Variants in MED12L observed in about 807,000 individuals in gnomAD.
The protein encoded by MED12L is mediator complex subunit 12L, also known as mediator of RNA polymerase II transcription subunit 12-like protein.
MED12L carries 60 observed loss-of-function variants against 281.3 expected under a neutral mutation model. The ratio of observed to expected loss-of-function variants is 0.21; its 90% confidence interval spans 0.17 to 0.26. The LOEUF is 0.26. Among genes scored for constraint, MED12L ranks in the 10% least tolerant of loss-of-function variants. MED12L has a pLI of 1.00. For synonymous variants in MED12L, 974 were observed against 987.2 expected, an observed-to-expected ratio of 0.99 and a Z score of 0.25; for missense variants, 2,146 against 2,680.9, an observed-to-expected ratio of 0.80 and a Z score of 4.41.
Position 151,168,964 on chromosome 3 carries a change from G to C in MED12L, c.1494+2982G>C, listed in dbSNP as rs564420101. Among the ~76,000 whole-genome samples the C allele has an allele frequency of 3.9e-5, 6 of 152,226 alleles. 1 individual carries two copies. Among genetic ancestry groups the C allele is most frequent in the Non-Finnish European group, 5.9e-5 (4 of 68,020 alleles). On this transcript the variant is annotated intron_variant, in intron 11 of 44. Coordinates refer to ENST00000687756, the MANE Select transcript of MED12L (RefSeq NM_001393769.1). ...TCAAAGTGCTGGGAGGTGTGAGCCA[G>C]TGTGCCTGGACTAAATTAATTTTTA...
intron 5 of MED12L, among the ~76,000 whole-genome samples, chr3:151,130,757 C>G (rs1715273989): frequency 6.6e-6 from 1 of 152,214 alleles, no homozygotes; most frequent in Non-Finnish European, 1.5e-5. Flanking sequence ...AAAGCCTTCT[C>G]CAACCACTGC....
At chr3:151,300,219 G>A in intron 16 of MED12L, 19 of 783,122 alleles carry the variant, frequency 2.4e-5, no homozygotes, top group Admixed American at 9.9e-5. Context: ...AATGAAAAAT[G>A]AGGAAAAAAT....
intron 3 of MED12L, among the ~76,000 whole-genome samples, chr3:151,122,303 G>C (rs1381032089): frequency 6.6e-6 from 1 of 152,142 alleles, no homozygotes; most frequent in Admixed American, 6.5e-5. Flanking sequence ...TAGACTCTTT[G>C]TTTAAAAGCA....
intron 16 of MED12L, among the ~76,000 whole-genome samples, chr3:151,276,195 A>G (rs908101358): frequency 6.6e-5 from 10 of 152,244 alleles, no homozygotes; most frequent in African/African-American, 1.9e-4. Flanking sequence ...AGGGCTTGTT[A>G]AAAGAGATTG....
In MED12L at chr3:151,230,056, G is replaced by A. The variant is rs188156812; in HGVS notation, c.2250+36390G>A. ...GCGATCTCAGCTCACTGCAAGCTTC[G>A]CCTGCTGGGTTCACGCCATTCTCCC... On this transcript the variant is annotated intron_variant, in intron 16 of 44. Coordinates refer to ENST00000687756, the MANE Select transcript of MED12L (RefSeq NM_001393769.1). Among the ~76,000 whole-genome samples, 8 of 151,914 alleles carry A rather than the reference G, an allele frequency of 5.3e-5. No individual in the cohort carries two copies. In the South Asian group the frequency reaches 6.3e-4, roughly 12 times the overall value.
At chr3:151,232,096 T>A (rs1179041084) in intron 16 of MED12L, among the ~76,000 whole-genome samples, 3 of 152,216 alleles carry the variant, frequency 2.0e-5, no homozygotes, top group Non-Finnish European at 4.4e-5. Context: ...GTGTCTCTGC[T>A]ATTTTTCTTA....
In MED12L at chr3:151,085,888, G is replaced by T. The variant is rs1487600221; in HGVS notation, c.-178G>T. On this transcript the variant is annotated 5_prime_UTR_variant, in exon 1 of 45. Transcript: ENST00000687756. ...CGAATGATGGAGGCTGCGGCGGCCG[G>T]AGTGACCCCGCCGCCGCCAGCCCCA... 6.6e-6 allele frequency: 1 copy of T among 152,080 alleles called. No homozygotes were observed. The highest frequency in any genetic ancestry group is 1.5e-5 in the Non-Finnish European group (1 of 68,010). 9.4% of individuals were successfully genotyped at this position (152,080 alleles called of 1,614,324 possible). A position where few individuals can be genotyped will look rare whatever the true frequency, so the allele number is the denominator to read the frequency against.
intron 12 of MED12L, among the ~76,000 whole-genome samples, chr3:151,186,271 A>G (rs1446126290): frequency 6.6e-6 from 1 of 152,110 alleles, no homozygotes; most frequent in Non-Finnish European, 1.5e-5. Context: ...ATATCATCTG[A>G]CCAGGTCCTT....
At chr3:151,099,799 T>G (rs2148656218) in intron 2 of MED12L, among the ~76,000 whole-genome samples, 1 of 152,288 alleles carries the variant, frequency 6.6e-6, no homozygotes, top group African/African-American at 2.4e-5. Flanking sequence ...GAGGAGAGAA[T>G]GAGTTCATTT....
intron 16 of MED12L, among the ~76,000 whole-genome samples, chr3:151,265,399 G>C (rs1739645828): frequency 6.6e-6 from 1 of 152,176 alleles, no homozygotes; most frequent in African/African-American, 2.4e-5. Flanking sequence ...AAGTTTCACA[G>C]ACTGATTTCT....
chr3:151,106,233 C>CTTCCTTTCCT (rs574571446), intron 2 of MED12L, among the ~76,000 whole-genome samples: 31 of 139,338 alleles, frequency 2.2e-4, no homozygotes, highest in African/African-American at 6.6e-4. Context: ...TCCTTCCTTC[C>CTTCCTTTCCT]TTCCTTTCCT....
intron 16 of MED12L, among the ~76,000 whole-genome samples, chr3:151,250,285 T>G (rs1736586750): frequency 6.6e-6 from 1 of 152,208 alleles, no homozygotes; most frequent in Non-Finnish European, 1.5e-5. Context: ...TGTGGTGAAA[T>G]ACACATAACA....
At chr3:151,429,388 C>T (rs1719210038) in intron 43 of MED12L, among the ~76,000 whole-genome samples, 1 of 152,088 alleles carries the variant, frequency 6.6e-6, no homozygotes, top group Admixed American at 6.5e-5. Context: ...ACAGCCAGCA[C>T]CGTGCTGGTG....
chr3:151,346,671 A>G (rs551924036), intron 16 of MED12L, among the ~76,000 whole-genome samples: 39 of 152,182 alleles, frequency 2.6e-4, no homozygotes, highest in Admixed American at 2.0e-3. Flanking sequence ...AGGAGCATGT[A>G]TGTGCACCAT....
intron 16 of MED12L, among the ~76,000 whole-genome samples, chr3:151,252,621 A>G (rs1737063837): frequency 6.6e-6 from 1 of 152,228 alleles, no homozygotes; most frequent in Non-Finnish European, 1.5e-5. Flanking sequence ...ACTTCTAAAC[A>G]TGTTCATAAA....
At chr3:151,218,640 G>T (rs1434705699) in intron 16 of MED12L, among the ~76,000 whole-genome samples, 3 of 151,928 alleles carry the variant, frequency 2.0e-5, no homozygotes, top group African/African-American at 4.8e-5. Flanking sequence ...AGGCCGAGGT[G>T]GGTGGATCAC....
At chr3:151,099,710 A>G (rs1379355044) in intron 2 of MED12L, among the ~76,000 whole-genome samples, 2 of 147,918 alleles carry the variant, frequency 1.4e-5, no homozygotes, top group Admixed American at 6.7e-5. Flanking sequence ...AGGTAGATCA[A>G]TGGTGGTCCG....
chr3:151,389,307 C>CT (rs1325773533), intron 37 of MED12L, among the ~76,000 whole-genome samples: 1 of 152,218 alleles, frequency 6.6e-6, no homozygotes, highest in African/African-American at 2.4e-5. Flanking sequence ...TTCCTCTATT[C>CT]TTCCTGAAGC....
At chr3:151,339,343 C>T (rs1229417845) in intron 16 of MED12L, among the ~76,000 whole-genome samples, 3 of 150,994 alleles carry the variant, frequency 2.0e-5, no homozygotes, top group African/African-American at 4.9e-5. Context: ...TGGATAATTG[C>T]CTGTTAGAAT....
Sources: gnomAD v4.1 joint callset for allele counts (sites outside exome capture counted in the v4.1 genomes callset) on GRCh38, gnomAD v4.1.1 for gene constraint, MANE v1.5 for transcripts, NCBI Gene and HGNC (gene_info 2026-07-23, HGNC 2026-07-21) for gene names.